The following SCGB2B2 variants were observed in gnomAD, a reference collection of about 807,000 sequenced individuals.
SCGB2B2 encodes the protein secretoglobin family 2B member 2, also known as secretoglobin-like protein.
SCGB2B2 carries 11 observed loss-of-function variants against 7.6 expected under a neutral mutation model. The observed-to-expected ratio is 1.45, with a 90% confidence interval of 0.91 to 2.40. SCGB2B2 has a LOEUF of 2.40. Among genes scored for constraint, SCGB2B2 ranks in the 30% most tolerant of loss-of-function variants. The pLI is 0.00. For synonymous variants in SCGB2B2, 50 were observed against 48.6 expected (o/e 1.03, Z -0.12); for missense variants, 104 against 115.4 (o/e 0.90, Z 0.45).
intron 1 of SCGB2B2, among the ~76,000 whole-genome samples, chr19:34,623,439 G>A (rs1290810975): frequency 1.3e-5 from 2 of 152,280 alleles, no homozygotes; most frequent in South Asian, 2.1e-4. Flanking sequence ...AAGGTAGAAA[G>A]GGCGTCCTCC....
At chr19:34,672,228 A>AT (rs11372781) in intron 1 of SCGB2B2, among the ~76,000 whole-genome samples, 52,560 of 146,096 alleles carry the variant, frequency 0.36, 9,515 homozygotes, top group African/African-American at 0.43. Flanking sequence ...TTTTTCTCAC[A>AT]TTTTTTTTTT....
chr19:34,607,698 G>A (rs2065819895), intron 1 of SCGB2B2, among the ~76,000 whole-genome samples: 2 of 152,290 alleles, frequency 1.3e-5, no homozygotes, highest in East Asian at 1.9e-4. Context: ...CTGATGATTC[G>A]TGATGGTGAA....
chr19:34,624,909 G>GT (rs1318231556), intron 1 of SCGB2B2, among the ~76,000 whole-genome samples: 1 of 152,152 alleles, frequency 6.6e-6, no homozygotes, highest in Non-Finnish European at 1.5e-5. Context: ...GGGGCCCAGT[G>GT]TTTTGTTTGA....
At chr19:34,622,071 C>T (rs993764783) in intron 1 of SCGB2B2, among the ~76,000 whole-genome samples, 14 of 152,158 alleles carry the variant, frequency 9.2e-5, no homozygotes, top group African/African-American at 3.1e-4. Context: ...ACAGTTAAGT[C>T]ATTCCTCATG....
intron 1 of SCGB2B2, among the ~76,000 whole-genome samples, chr19:34,597,328 C>T (rs760099336): frequency 3.9e-5 from 6 of 152,228 alleles, no homozygotes; most frequent in Non-Finnish European, 7.4e-5. Flanking sequence ...ATGACCAGAT[C>T]GTGCACTTTC....
chr19:34,608,109 T>G (rs572154543), intron 1 of SCGB2B2, among the ~76,000 whole-genome samples: 1 of 152,298 alleles, frequency 6.6e-6, no homozygotes, highest in South Asian at 2.1e-4. Flanking sequence ...GAAGTCATTT[T>G]ATTCAGTTGT....
At chr19:34,656,127 T>G (rs1447288233) in intron 1 of SCGB2B2, among the ~76,000 whole-genome samples, 1 of 151,134 alleles carries the variant, frequency 6.6e-6, no homozygotes, top group Non-Finnish European at 1.5e-5. Context: ...GTGAATGAAA[T>G]TACATATAAA....
At chr19:34,670,386 C>G (rs781478024) in intron 1 of SCGB2B2, among the ~76,000 whole-genome samples, 6 of 152,242 alleles carry the variant, frequency 3.9e-5, no homozygotes, top group Non-Finnish European at 7.3e-5. Context: ...TTCAGGTACT[C>G]CATATCCTCA....
chr19:34,602,876 GA>G (rs1315386427), intron 1 of SCGB2B2, among the ~76,000 whole-genome samples: 2 of 152,174 alleles, frequency 1.3e-5, no homozygotes, highest in African/African-American at 4.8e-5. Flanking sequence ...TGTCCCATGT[GA>G]GTTTGCCATT....
At chr19:34,625,333 C>T (rs938638483) in intron 1 of SCGB2B2, among the ~76,000 whole-genome samples, 6 of 152,122 alleles carry the variant, frequency 3.9e-5, no homozygotes, top group Non-Finnish European at 5.9e-5. Flanking sequence ...TCATCTCATC[C>T]GGGAAGCACA....
intron 1 of SCGB2B2, among the ~76,000 whole-genome samples, chr19:34,653,071 T>C (rs935395003): frequency 6.6e-6 from 1 of 151,318 alleles, no homozygotes; most frequent in Admixed American, 6.6e-5. Flanking sequence ...TGGATGAGCT[T>C]GGAGTCATTG....
intron 1 of SCGB2B2, among the ~76,000 whole-genome samples, chr19:34,636,804 A>G (rs2066692772): frequency 6.6e-6 from 1 of 152,126 alleles, no homozygotes; most frequent in Admixed American, 6.5e-5. Flanking sequence ...CCCTGACGTT[A>G]AGCCATCCCT....
At chr19:34,630,692 G>A (rs2066504887) in intron 1 of SCGB2B2, among the ~76,000 whole-genome samples, 2 of 152,114 alleles carry the variant, frequency 1.3e-5, no homozygotes, top group African/African-American at 2.4e-5. Flanking sequence ...CAACCATTGT[G>A]GAAGTCGGTG....
chr19:34,651,613 G>A (rs2067162630), intron 1 of SCGB2B2, among the ~76,000 whole-genome samples: 1 of 151,096 alleles, frequency 6.6e-6, no homozygotes, highest in Admixed American at 6.6e-5. Flanking sequence ...ATAAAATACT[G>A]AGGAAATCAA....
At chr19:34,588,472 G>T (rs1257732311), downstream of SCGB2B2, among the ~76,000 whole-genome samples, 1 of 152,202 alleles carries the variant, frequency 6.6e-6, no homozygotes, top group Non-Finnish European at 1.5e-5. Flanking sequence ...AGGCTTGGCC[G>T]AGTGGCACCA....
intron 1 of SCGB2B2, among the ~76,000 whole-genome samples, chr19:34,634,482 C>A (rs373289679): frequency 2.0e-5 from 3 of 152,310 alleles, no homozygotes; most frequent in South Asian, 4.1e-4. Context: ...ACCTGGCACT[C>A]ACACGGAATC....
chr19:34,657,853 A>G, intron 1 of SCGB2B2, among the ~76,000 whole-genome samples: 1 of 152,088 alleles, frequency 6.6e-6, no homozygotes, highest in East Asian at 1.9e-4. Flanking sequence ...GAAGCAAAAC[A>G]CTCCTCAGCA....
rs573430151 is a variant in SCGB2B2 at position 34,649,866 on chromosome 19, G to A, written c.-2032+25764C>T. ...GTGCACCCCAGCTTTCCACTCTGTT[G>A]TGCCCCAATCTGTCAAGTTTCTTTT... On this transcript the variant is annotated intron_variant, in intron 1 of 3. Transcript: ENST00000601241. Among the ~76,000 whole-genome samples, 19 of 151,136 alleles carry A rather than the reference G, an allele frequency of 1.3e-4. 1 individual carries two copies. Among genetic ancestry groups the A allele is most frequent in the African/African-American group, 4.0e-4 (16 of 40,500 alleles).
chr19:34,619,197 C>T (rs1198267184), intron 1 of SCGB2B2, among the ~76,000 whole-genome samples: 1 of 152,124 alleles, frequency 6.6e-6, no homozygotes, highest in Non-Finnish European at 1.5e-5. Context: ...ACGTAACACA[C>T]ATAATACACA....
Sources: gnomAD v4.1 joint callset for allele counts (sites outside exome capture counted in the v4.1 genomes callset) on GRCh38, gnomAD v4.1.1 for gene constraint, MANE v1.5 for transcripts, NCBI Gene and HGNC (gene_info 2026-07-23, HGNC 2026-07-21) for gene names.